The following TTN variants were observed in gnomAD, a reference collection of about 807,000 sequenced individuals.
TTN encodes connectin.
In TTN, 1,525 loss-of-function variants were observed where a neutral mutation model predicts 3,223.0. The observed-to-expected ratio is 0.47, with a 90% CI of 0.45 to 0.49. The LOEUF (loss-of-function observed/expected upper bound fraction) is 0.49. Among genes scored for constraint, TTN ranks in the 20% least tolerant of loss-of-function variants. The pLI is 0.00. For synonymous variants in TTN, 14,094 were observed against 15,161.0 expected, an observed-to-expected ratio of 0.93 and a Z score of 5.17; for missense variants, 40,786 against 43,424.0, an observed-to-expected ratio of 0.94 and a Z score of 5.40.
rs765032242 is a variant in TTN, at chr2:178,616,810, G to A, written c.48079C>T (p.Arg16027Cys). The part of the protein sequence containing the change: ...YAELVISPSE[R>C]SDKGIYTLKL... ...AGTGTATAAATGCCCTTGTCTGAAC[G>A]TTCACTTGGAGAAATGACAAGTTCG... Residue 16027 changes from arginine to cysteine, a missense_variant, in exon 256 of 363, where the codon CGT becomes TGT. Arg to Cys is a radical substitution (Grantham distance 180). Coordinates refer to ENST00000589042, the MANE Select transcript of TTN (RefSeq NM_001267550.2). 1.4e-5 allele frequency: 23 copies of A among 1,612,484 alleles called. No individual in the cohort carries two copies. Among genetic ancestry groups the A allele is most frequent in the Admixed American group, 3.3e-5 (2 of 59,888 alleles).
intron 6 of TTN, among the ~76,000 whole-genome samples, chr2:178,795,784 T>G (rs974075962): frequency 1.1e-4 from 16 of 152,174 alleles, no homozygotes; most frequent in African/African-American, 3.9e-4. Flanking sequence ...GCCTTGTGAA[T>G]TTCCAGGACA....
chr2:178,634,445 A>G lies in TTN; in HGVS notation c.42336T>C (p.Asn14112=), dbSNP rs778310352. Residue 14112 remains asparagine (N), a synonymous_variant, in exon 230 of 363, where the codon AAT becomes AAC. Transcript: ENST00000589042. The surrounding 1 kb of genome is among the most constrained non-coding windows in gnomAD (Gnocchi z 4.6). Reference sequence around the variant, plus strand: ...CCCCTTCATCATCAAATTGAGAATCATTAATAACAAGAATATGTTTCTTTC... The same window carrying G: ...CCCCTTCATCATCAAATTGAGAATCGTTAATAACAAGAATATGTTTCTTTC... The part of the protein sequence containing the change: ...ADGKKHILVI[N]DSQFDDEGVY... The G allele has an allele frequency of 2.5e-6, 4 of 1,613,082 alleles. No homozygotes were observed. Among genetic ancestry groups the G allele is most frequent in the African/African-American group, 2.7e-5 (2 of 74,864 alleles).
At chr2:178,721,723 A>G in intron 78 of TTN, 124 bp downstream of exon 78, 2 of 1,066,016 alleles carry the variant, frequency 1.9e-6, no homozygotes, top group South Asian at 4.8e-5. Context: ...CTCCAACACT[A>G]ATACACAAAT....
Position 178,573,628 on chromosome 2 carries a change from C to T in TTN, c.72504G>A (p.Leu24168=). 2.0e-6 allele frequency: 3 copies of T among 1,500,490 alleles called. No individual in the cohort carries two copies. The highest frequency in any genetic ancestry group is 2.7e-6 in the Non-Finnish European group (3 of 1,127,214). The allele number at this position is 1,500,490 out of a possible 1,614,324, so 92.9% of individuals were successfully genotyped here. The change falls in exon 326 of 363, where the codon TTG becomes TTA. Residue 24168 remains leucine (L), a synonymous_variant. Coordinates refer to ENST00000589042, the MANE Select transcript of TTN (RefSeq NM_001267550.2). ...YIVQKRETSR[L]AWTNVASEVQ... is the part of the protein sequence containing the mutation. ...CTTCTGAGGCTACATTTGTCCATGC[C>T]AATCTGCTGGTTTCACGTTTCTGTA...
At chr2:178,610,664 T>C (rs1470127847) in intron 270 of TTN, among the ~76,000 whole-genome samples, 1 of 151,984 alleles carries the variant, frequency 6.6e-6, no homozygotes, top group African/African-American at 2.4e-5. Context: ...TTACTATCCC[T>C]GGTTAAGAAC....
rs769919512 is a variant in TTN at position 178,664,082 on chromosome 2, T to C, written c.36297A>G (p.Lys12099=). 6.2e-7 allele frequency: 1 copy of C among 1,611,784 alleles called. No individual in the cohort carries two copies. The highest frequency in any genetic ancestry group is 1.7e-5 in the Admixed American group (1 of 59,590). Residue 12099 remains lysine (K), a synonymous_variant, in exon 169 of 363, where the codon AAA becomes AAG. Coordinates refer to ENST00000589042, the MANE Select transcript of TTN (RefSeq NM_001267550.2). The part of the protein sequence containing the change: ...VVPVKVHEAP[K]EIIPEKKVSV... The stretch of plus-strand genomic sequence containing the variant: ...ACACTTTCTTTTCAGGGATAATCTC[T>C]TTGGGAGCTTCGTGCACTTGAAAGA...
rs2080550527 is a variant in TTN at position 178,731,707 on chromosome 2, C to G, written c.17168G>C (p.Arg5723Thr). The G allele has an allele frequency of 6.2e-7, 1 of 1,611,276 alleles. No homozygotes were observed. Among genetic ancestry groups the G allele is most frequent in the Non-Finnish European group, 8.5e-7 (1 of 1,178,062 alleles). Residue 5723 changes from arginine to threonine, a missense_variant, in exon 58 of 363, where the codon AGG becomes ACG. By Grantham distance (71) the Arg-to-Thr change is moderately conservative (BLOSUM62 -1). Coordinates refer to ENST00000589042, the MANE Select transcript of TTN (RefSeq NM_001267550.2). ...NEVGSSICSA[R>T]VTLREPPSFI... ...CCAACACTAACCTCTTAAAGTCACC[C>G]TGGCACTGCAGATGCTGCTGCCCAC...
At chr2:178,744,649 A>G in intron 47 of TTN, 1 of 955,120 alleles carries the variant, frequency 1.0e-6, no homozygotes. Flanking sequence ...ATAATCTGAA[A>G]TACAAATTAC....
In TTN at chr2:178,573,824, G is replaced by C; in HGVS notation, c.72308C>G (p.Thr24103Arg). 6.2e-7 allele frequency: 1 copy of C among 1,612,134 alleles called. No homozygotes were observed. The highest frequency in any genetic ancestry group is 1.1e-5 in the South Asian group (1 of 90,884). ...TRRDSGAYTLTATNPGGFAKH... is the reference protein window; with the variant it reads ...TRRDSGAYTLRATNPGGFAKH... ...AGCAAAGCCACCAGGATTAGTCGCT[G>C]TAAGGGTATAGGCACCACTATCCCT... Residue 24103 changes from threonine to arginine, a missense_variant, in exon 326 of 363, where the codon ACA becomes AGA. Physicochemically the swap from Thr to Arg is moderately conservative, Grantham distance 71. Coordinates refer to ENST00000589042, the MANE Select transcript of TTN (RefSeq NM_001267550.2).
Position 178,577,989 on chromosome 2 carries a change from A to G in TTN, c.68526T>C (p.Ile22842=). The G allele has an allele frequency of 1.2e-6, 2 of 1,610,946 alleles. No individual in the cohort carries two copies. The highest frequency in any genetic ancestry group is 1.7e-6 in the Non-Finnish European group (2 of 1,178,802). Residue 22842 remains isoleucine (I), a splice_region_variant and synonymous_variant, in exon 322 of 363, where the codon ATT becomes ATC. Transcript: ENST00000589042. ...PSEPVVALDP[I]DPPGKPEVIN... ...GTTTTTCTTCATATAATGACTTACCAATTGGGTCCAGTGCCACAACAGGCT... is the reference window on the plus strand; with the variant it reads ...GTTTTTCTTCATATAATGACTTACCGATTGGGTCCAGTGCCACAACAGGCT...
At chr2:178,538,169 T>TA (rs1485956848) in intron 354 of TTN, 3 of 524,624 alleles carry the variant, frequency 5.7e-6, no homozygotes, top group Non-Finnish European at 1.0e-5. Context: ...TAATAATGTA[T>TA]AGGCTTTTAA....
In TTN at chr2:178,640,778, G is replaced by C. The variant is rs376318518; in HGVS notation, c.40634-148C>G. The C allele has an allele frequency of 6.1e-5, 39 of 644,402 alleles. 1 individual carries two copies. The South Asian group carries it at 8.3e-4, about 14-fold the overall frequency. 39.9% of individuals were successfully genotyped at this position (644,402 alleles called of 1,614,324 possible). A position where few individuals can be genotyped will look rare whatever the true frequency, so the allele number is the denominator to read the frequency against. On this transcript the variant is annotated intron_variant, in intron 220 of 362. Transcript: ENST00000589042. ...CAAGTAATTTCTATTTTATTTTCTT[G>C]ACTCTGCTTCCATTTATTTTTCTTC...
chr2:178,605,543 G>C lies in TTN; in HGVS notation c.53752C>G (p.Pro17918Ala), dbSNP rs763660329. The C allele has an allele frequency of 1.2e-6, 2 of 1,612,322 alleles. No homozygotes were observed. Among genetic ancestry groups the C allele is most frequent in the Non-Finnish European group, 1.7e-6 (2 of 1,178,894 alleles). ...TTTTCAACCAGAAAAGATGTGGTTG[G>C]GCAGAGTCGCTTGTTAACTCTTTCA... Reference protein sequence around the residue: ...DFERVNKRLCPTTSFLVENLD... With the variant: ...DFERVNKRLCATTSFLVENLD... Residue 17918 changes from proline (P) to alanine (A), a missense_variant, in exon 279 of 363, where the codon CCA (proline) becomes GCA (alanine). Physicochemically the swap from Pro to Ala is conservative, Grantham distance 27. Transcript: ENST00000589042.
rs1473380697 is a variant in TTN, at chr2:178,616,954, G to A, written c.47935C>T (p.Pro15979Ser). The change falls in exon 256 of 363, where the codon CCT (proline) becomes TCT (serine). Residue 15979 changes from proline (P) to serine (S), a missense_variant. Pro to Ser is a moderately conservative substitution (Grantham distance 74, BLOSUM62 -1). Coordinates refer to ENST00000589042, the MANE Select transcript of TTN (RefSeq NM_001267550.2). ...GTACTTGGAACCAGGATCGTGATAG[G>A]ATTTGGGACAATAACTTCCAGACCA... ...KDGLEVIVPNPITILVPSTGY... is the reference protein window; with the variant it reads ...KDGLEVIVPNSITILVPSTGY... 6.2e-7 allele frequency: 1 copy of A among 1,612,566 alleles called. No homozygotes were observed. Among genetic ancestry groups the A allele is most frequent in the African/African-American group, 1.3e-5 (1 of 74,804 alleles).
At position 178,651,601 on chromosome 2, in the gene TTN, G is replaced by C. The variant is rs1168656456; in HGVS notation, c.39463+65C>G. 1.9e-6 allele frequency: 3 copies of C among 1,611,708 alleles called. No homozygotes were observed. In the African/African-American group the frequency reaches 4.0e-5, roughly 22 times the overall value. ...AATGAAATGTGAAAATCATGAAGCA[G>C]AACAGTAGAATATGACACTTCAAAG... On this transcript the variant is annotated intron_variant, in intron 206 of 362. Transcript: ENST00000589042.
chr2:178,619,076 A>G, intron 250 of TTN: 1 of 597,598 alleles, frequency 1.7e-6, no homozygotes, highest in Non-Finnish European at 2.8e-6. Context: ...ATGGCATAAA[A>G]TCATAAGACA....
chr2:178,789,089 C>A (rs1038351030), intron 13 of TTN, among the ~76,000 whole-genome samples: 1 of 152,014 alleles, frequency 6.6e-6, no homozygotes, highest in Non-Finnish European at 1.5e-5. Context: ...CAATTTTAAT[C>A]AACTTCTGGA....
chr2:178,729,537 G>C lies in TTN; in HGVS notation c.18619C>G (p.Pro6207Ala), dbSNP rs755803926. ...TCACTATATTTTACTACCTCCACAGGCTTCAGCTCTCTGATAAAGGTGGGG... is the reference window on the plus strand; with the variant it reads ...TCACTATATTTTACTACCTCCACAGCCTTCAGCTCTCTGATAAAGGTGGGG... ...EPPTFIRELK[P>A]VEVVKYSDVE... The change falls in exon 64 of 363, where the codon CCT (proline) becomes GCT (alanine). Residue 6207 changes from proline to alanine, a missense_variant. Physicochemically the swap from Pro to Ala is conservative, Grantham distance 27 (BLOSUM62 -1). Transcript: ENST00000589042. 6.2e-7 allele frequency: 1 copy of C among 1,613,038 alleles called. No individual in the cohort carries two copies. The highest frequency in any genetic ancestry group is 1.1e-5 in the South Asian group (1 of 91,048).
chr2:178,641,366 G>T, intron 219 of TTN, 51 bp from the exon 220 acceptor site: 1 of 1,082,132 alleles, frequency 9.2e-7, no homozygotes, highest in Non-Finnish European at 1.3e-6. Flanking sequence ...TAATGAAGAT[G>T]TTGAATAAGC....
Sources: gnomAD v4.1 joint callset for allele counts (sites outside exome capture counted in the v4.1 genomes callset) on GRCh38, gnomAD v4.1.1 for gene constraint, Gnocchi (gnomAD v3.1) non-coding constraint, MANE v1.5 for transcripts, NCBI Gene and HGNC (gene_info 2026-07-23, HGNC 2026-07-21) for gene names.